PPP1R26: variants seen among roughly 807,000 people sequenced by gnomAD.
PPP1R26 encodes 1A6/DRIM (down-regulated in metastasis) interacting protein.
Under a neutral mutation model 67.6 loss-of-function variants are expected in PPP1R26, and 22 were observed. The ratio of observed to expected loss-of-function variants is 0.33; its 90% CI spans 0.23 to 0.46. The LOEUF (loss-of-function observed/expected upper bound fraction) is 0.46, where lower values mean the gene tolerates loss of function less well. Among genes scored for constraint, PPP1R26 ranks in the 20% least tolerant of loss-of-function variants. The pLI, the probability that PPP1R26 is intolerant of heterozygous loss-of-function variation, is 1.00. For missense variants in PPP1R26, 1,602 were observed against 1,651.4 expected (o/e 0.97, Z 0.52); for synonymous variants, 729 against 717.2 (o/e 1.02, Z -0.26).
chr9:135,486,853 G>A lies in PPP1R26; in HGVS notation c.2343G>A (p.Arg781=). The A allele has an allele frequency of 6.2e-7, 1 of 1,611,366 alleles. No individual in the cohort carries two copies. Among genetic ancestry groups the A allele is most frequent in the Non-Finnish European group, 8.5e-7 (1 of 1,179,450 alleles). The change falls in exon 4 of 4, where the codon AGG becomes AGA. Residue 781 remains arginine, a synonymous_variant. Transcript: ENST00000356818. This position sits in a 1 kb window ranked among gnomAD's most constrained non-coding sequence, Gnocchi z 6.2. ...SVFGSTAERM[R]QEGAASQDAA... ...TTGGCAGCACGGCAGAGAGGATGAG[G>A]CAGGAGGGTGCCGCGAGCCAGGACG... is the stretch of plus-strand genomic sequence containing the variant.
At chr9:135,481,259 A>G (rs1490262972) in intron 1 of PPP1R26, among the ~76,000 whole-genome samples, 1 of 60,462 alleles carries the variant, frequency 1.7e-5, no homozygotes. Flanking sequence ...TTTTTTTTTT[A>G]GAGCCAGAGT....
upstream of PPP1R26, chr9:135,479,618 G>T: frequency 6.8e-6 from 1 of 146,198 alleles, no homozygotes; most frequent in South Asian, 2.0e-4. This position sits in a 1 kb window ranked among gnomAD's most constrained non-coding sequence, Gnocchi z 5.9. Flanking sequence ...CTCGCGGGCG[G>T]GGGTCCGGCC....
At position 135,485,206 on chromosome 9, in the gene PPP1R26, G is replaced by C; in HGVS notation, c.696G>C (p.Gln232His). The C allele has an allele frequency of 6.2e-7, 1 of 1,612,908 alleles. No homozygotes were observed. The change falls in exon 4 of 4, where the codon CAG (glutamine) becomes CAC (histidine). Residue 232 changes from glutamine to histidine, a missense_variant. By Grantham distance (24) the Gln-to-His change is conservative. Around this residue, in one of 5 missense-constraint regions of PPP1R26, gnomAD observed 680 missense variants for 726.1 expected, o/e 0.94. Coordinates refer to ENST00000356818, the MANE Select transcript of PPP1R26 (RefSeq NM_014811.5). This position sits in a 1 kb window ranked among gnomAD's most constrained non-coding sequence, Gnocchi z 7.2. ...AGAGCATCAGGGCGGAAATAGAACAGTTTCTGAATGAGAAGAGACAGCATG... is the reference window on the plus strand; with the variant it reads ...AGAGCATCAGGGCGGAAATAGAACACTTTCTGAATGAGAAGAGACAGCATG... ...FEQSIRAEIE[Q>H]FLNEKRQHET...
rs568232790 is a variant in PPP1R26 at position 135,484,049 on chromosome 9, G to T, written c.-96G>T. On this transcript the variant is annotated 5_prime_UTR_variant, in exon 3 of 4. Coordinates refer to ENST00000356818, the MANE Select transcript of PPP1R26 (RefSeq NM_014811.5). ...AAGCTGCAAAGAAGCATTTGCAGAC[G>T]TTGTCTCATGGGTACCGCTTGCCAA... The T allele has an allele frequency of 2.5e-6, 1 of 403,708 alleles. No individual in the cohort carries two copies. The highest frequency in any genetic ancestry group is 4.4e-6 in the Non-Finnish European group (1 of 229,050). The allele number at this position is 403,708 out of a possible 1,614,324, so 25.0% of individuals were successfully genotyped here.
chr9:135,485,975 G>C lies in PPP1R26; in HGVS notation c.1465G>C (p.Asp489His). 6.2e-7 allele frequency: 1 copy of C among 1,613,252 alleles called. No individual in the cohort carries two copies. Among genetic ancestry groups the C allele is most frequent in the Non-Finnish European group, 8.5e-7 (1 of 1,180,034 alleles). ...AELMCAEAILDISKTILPAPV... is the reference protein window; with the variant it reads ...AELMCAEAILHISKTILPAPV... ...GCTGATGTGTGCAGAAGCAATCCTG[G>C]ACATCTCCAAGACGATCCTGCCGGC... is the stretch of plus-strand genomic sequence containing the variant. The change falls in exon 4 of 4, where the codon GAC becomes CAC. Residue 489 changes from aspartate to histidine, a missense_variant. Around this residue, in one of 5 missense-constraint regions of PPP1R26, gnomAD observed 680 missense variants for 726.1 expected, o/e 0.94. Coordinates refer to ENST00000356818, the MANE Select transcript of PPP1R26 (RefSeq NM_014811.5). This position sits in a 1 kb window ranked among gnomAD's most constrained non-coding sequence, Gnocchi z 7.2.
In PPP1R26 at chr9:135,486,865, C is replaced by G. The variant is rs768412180; in HGVS notation, c.2355C>G (p.Ala785=). Residue 785 remains alanine, a synonymous_variant, in exon 4 of 4, where the codon GCC becomes GCG. Coordinates refer to ENST00000356818, the MANE Select transcript of PPP1R26 (RefSeq NM_014811.5). The surrounding 1 kb of genome is among the most constrained non-coding windows in gnomAD (Gnocchi z 6.2). ...CAGAGAGGATGAGGCAGGAGGGTGC[C>G]GCGAGCCAGGACGCGGCCCTGGCCT... The part of the protein sequence containing the change: ...STAERMRQEG[A]ASQDAALAFR... The G allele has an allele frequency of 1.2e-6, 2 of 1,611,710 alleles. No individual in the cohort carries two copies. Among genetic ancestry groups the G allele is most frequent in the Non-Finnish European group, 8.5e-7 (1 of 1,179,564 alleles).
At position 135,486,272 on chromosome 9, in the gene PPP1R26, C is replaced by G; in HGVS notation, c.1762C>G (p.Pro588Ala). 6.2e-7 allele frequency: 1 copy of G among 1,612,950 alleles called. No individual in the cohort carries two copies. The highest frequency in any genetic ancestry group is 8.5e-7 in the Non-Finnish European group (1 of 1,180,010). The change falls in exon 4 of 4, where the codon CCA (proline) becomes GCA (alanine). Residue 588 changes from proline to alanine, a missense_variant. Pro to Ala is a conservative substitution (Grantham distance 27). This residue lies in a region of PPP1R26 where 680 missense variants were observed against 726.1 expected (regional missense o/e 0.94). Coordinates refer to ENST00000356818, the MANE Select transcript of PPP1R26 (RefSeq NM_014811.5). The surrounding 1 kb of genome is among the most constrained non-coding windows in gnomAD (Gnocchi z 6.2). ...HKTPLSKTPD[P>A]LLGCKRKRRG... is the part of the protein sequence containing the mutation. ...GACCCCTCTCTCTAAAACACCAGAC[C>G]CACTGCTGGGCTGCAAAAGGAAGCG...
chr9:135,482,983 C>CTTTT (rs1360229729), intron 2 of PPP1R26, among the ~76,000 whole-genome samples, 168 bp downstream of exon 2: 6,140 of 123,186 alleles, frequency 0.05, 506 homozygotes, highest in East Asian at 0.31. Flanking sequence ...CTTTTTCTTT[C>CTTTT]TTTCTTTTTT....
rs1205929800 is a variant in PPP1R26 at position 135,484,784 on chromosome 9, G to A, written c.274G>A (p.Glu92Lys). 6.2e-7 allele frequency: 1 copy of A among 1,611,412 alleles called. No individual in the cohort carries two copies. The highest frequency in any genetic ancestry group is 8.5e-7 in the Non-Finnish European group (1 of 1,179,768). ...GGCTGCCAAGCCCACCGTGCACAAG[G>A]AGCCACCCGCGTTGGCTGTCTGTGG... is the stretch of plus-strand genomic sequence containing the variant. The part of the protein sequence containing the change: ...RPAAKPTVHK[E>K]PPALAVCGLV... The change falls in exon 4 of 4, where the codon GAG becomes AAG. Residue 92 changes from glutamate (E) to lysine (K), a missense_variant. Glu to Lys is a moderately conservative substitution (Grantham distance 56). Transcript: ENST00000356818.
chr9:135,483,282 C>T (rs1164506902), intron 2 of PPP1R26: 5 of 152,390 alleles, frequency 3.3e-5, no homozygotes, highest in African/African-American at 1.2e-4. Flanking sequence ...TGAGCCACCA[C>T]ACCTGGCCAC....
At position 135,484,496 on chromosome 9, in the gene PPP1R26, T is replaced by A; in HGVS notation, c.-15T>A. The stretch of plus-strand genomic sequence containing the variant: ...AAAGCATCGCCCCTCTGCGCGCCCC[T>A]CCCCGTCTGCTAGAATGTTTCTCAT... On this transcript the variant is annotated 5_prime_UTR_variant, in exon 4 of 4. Transcript: ENST00000356818. The A allele has an allele frequency of 1.3e-6, 2 of 1,561,510 alleles. No individual in the cohort carries two copies. Among genetic ancestry groups the A allele is most frequent in the Non-Finnish European group, 1.7e-6 (2 of 1,154,304 alleles).
chr9:135,484,705 T>A lies in PPP1R26; in HGVS notation c.195T>A (p.Asp65Glu). 6.2e-7 allele frequency: 1 copy of A among 1,609,998 alleles called. No individual in the cohort carries two copies. Among genetic ancestry groups the A allele is most frequent in the Non-Finnish European group, 8.5e-7 (1 of 1,179,264 alleles). ...QRDGAARGTSDERAAQRGHRA... is the reference protein window; with the variant it reads ...QRDGAARGTSEERAAQRGHRA... ...ACGGGGCTGCTCGGGGCACCAGCGA[T>A]GAGCGCGCCGCACAGAGGGGCCACA... is the stretch of plus-strand genomic sequence containing the variant. The change falls in exon 4 of 4, where the codon GAT becomes GAA. Residue 65 changes from aspartate (D) to glutamate (E), a missense_variant. Asp to Glu is a conservative substitution (Grantham distance 45). Around this residue, in one of 5 missense-constraint regions of PPP1R26, gnomAD observed 168 missense variants for 176.1 expected, o/e 0.95. Transcript: ENST00000356818.
At chr9:135,482,940 C>T (rs984637886) in intron 2 of PPP1R26, 125 bp downstream of exon 2, 11 of 389,284 alleles carry the variant, frequency 2.8e-5, no homozygotes, top group Non-Finnish European at 4.5e-5. Context: ...TTGGGCTCAC[C>T]TGTGTGTAGG....
chr9:135,486,730 A>G lies in PPP1R26; in HGVS notation c.2220A>G (p.Arg740=), dbSNP rs2119306193. ...TGGAGCAGCTGGGCGGGCTCCGGAGAGACTGGAAAGACAGGGGCCCGCCAG... is the reference window on the plus strand; with the variant it reads ...TGGAGCAGCTGGGCGGGCTCCGGAGGGACTGGAAAGACAGGGGCCCGCCAG... ...HFLEQLGGLR[R]DWKDRGPPVL... The change falls in exon 4 of 4, where the codon AGA becomes AGG. Residue 740 remains arginine, a synonymous_variant. Coordinates refer to ENST00000356818, the MANE Select transcript of PPP1R26 (RefSeq NM_014811.5). This position sits in a 1 kb window ranked among gnomAD's most constrained non-coding sequence, Gnocchi z 6.2. 6.4e-7 allele frequency: 1 copy of G among 1,570,740 alleles called. No homozygotes were observed. Among genetic ancestry groups the G allele is most frequent in the Non-Finnish European group, 8.6e-7 (1 of 1,158,440 alleles).
At chr9:135,483,650 T>G (rs1830602295) in intron 2 of PPP1R26, 2 of 223,494 alleles carry the variant, frequency 8.9e-6, no homozygotes, top group African/African-American at 4.5e-5. Context: ...CTCCCTGCAG[T>G]GGCAATCCCC....
At position 135,486,905 on chromosome 9, in the gene PPP1R26, C is replaced by T; in HGVS notation, c.2395C>T (p.Pro799Ser). The T allele has an allele frequency of 6.2e-7, 1 of 1,612,786 alleles. No homozygotes were observed. Reference protein sequence around the residue: ...DAALAFRVRRPASASASEGNP... With the variant: ...DAALAFRVRRSASASASEGNP... Reference sequence around the variant, plus strand: ...GGCCCTGGCCTTCCGGGTGAGGAGACCCGCCTCCGCCTCTGCCTCCGAAGG... The same window carrying T: ...GGCCCTGGCCTTCCGGGTGAGGAGATCCGCCTCCGCCTCTGCCTCCGAAGG... Residue 799 changes from proline (P) to serine (S), a missense_variant, in exon 4 of 4, where the codon CCC becomes TCC. By Grantham distance (74) the Pro-to-Ser change is moderately conservative. Coordinates refer to ENST00000356818, the MANE Select transcript of PPP1R26 (RefSeq NM_014811.5). The surrounding 1 kb of genome is among the most constrained non-coding windows in gnomAD (Gnocchi z 6.2).
At position 135,487,321 on chromosome 9, in the gene PPP1R26, G is replaced by T; in HGVS notation, c.2811G>T (p.Val937=). Residue 937 remains valine (V), a synonymous_variant, in exon 4 of 4, where the codon GTG becomes GTT. Transcript: ENST00000356818. ...CTGCTCCTGCCCGAGGGGATCCGGT[G>T]CCGCCCAGGAGCACCAGCGGCGGTG... The part of the protein sequence containing the change: ...LPAAPARGDP[V]PPRSTSGGVS... 1 of 1,556,662 alleles carries T rather than the reference G, an allele frequency of 6.4e-7. No homozygotes were observed.
At position 135,487,929 on chromosome 9, in the gene PPP1R26, A is replaced by T. The variant is rs1353448196; in HGVS notation, c.3419A>T (p.Asp1140Val). The change falls in exon 4 of 4, where the codon GAC (aspartate) becomes GTC (valine). Residue 1140 changes from aspartate (D) to valine (V), a missense_variant. Around this residue, in one of 5 missense-constraint regions of PPP1R26, gnomAD observed 740 missense variants for 696.3 expected, o/e 1.06. Coordinates refer to ENST00000356818, the MANE Select transcript of PPP1R26 (RefSeq NM_014811.5). ...FGSPHLLAKK[D>V]GGPWPTRKAQ... Reference sequence around the variant, plus strand: ...AGCCCACACTTGCTGGCAAAGAAGGACGGCGGCCCCTGGCCAACCAGGAAG... The same window carrying T: ...AGCCCACACTTGCTGGCAAAGAAGGTCGGCGGCCCCTGGCCAACCAGGAAG... The T allele has an allele frequency of 6.3e-7, 1 of 1,581,346 alleles. No individual in the cohort carries two copies. The highest frequency in any genetic ancestry group is 1.2e-5 in the South Asian group (1 of 86,534).
intron 3 of PPP1R26, 62 bp downstream of exon 3, chr9:135,484,144 G>T (rs2590503): frequency 2.4e-6 from 1 of 423,274 alleles, no homozygotes; most frequent in South Asian, 9.1e-5. Flanking sequence ...AGGGAAGAGC[G>T]GGGAGGTGAT....
Sources: gnomAD v4.1 joint callset for allele counts (sites outside exome capture counted in the v4.1 genomes callset) on GRCh38, gnomAD v4.1.1 for gene constraint, gnomAD v4.1.1 regional missense constraint, Gnocchi (gnomAD v3.1) non-coding constraint, MANE v1.5 for transcripts, NCBI Gene and HGNC (gene_info 2026-07-23, HGNC 2026-07-21) for gene names.